ANKZF1: variants seen among roughly 807,000 people sequenced by gnomAD.
ANKZF1 encodes tRNA endonuclease ANKZF1.
ANKZF1 carries 84 observed loss-of-function variants against 86.0 expected under a neutral mutation model. The observed-to-expected ratio is 0.98, with a 90% confidence interval of 0.82 to 1.17. ANKZF1 has a LOEUF of 1.17. Ranked by LOEUF, ANKZF1 falls within the 50% of genes most tolerant of loss-of-function variation. The pLI, the probability that ANKZF1 is intolerant of heterozygous loss-of-function variation, is 0.00. For missense variants in ANKZF1, 893 were observed against 918.4 expected (o/e 0.97, Z 0.36); for synonymous variants, 331 against 354.2 (o/e 0.93, Z 0.74).
chr2:219,234,540 T>A lies in ANKZF1; in HGVS notation c.1204+252T>A, dbSNP rs189474878. ...GATGTGTTGCATGGATCTCACATAG[T>A]TTATCTTTGATTGGATGCTGTGGTT... On this transcript the variant is annotated intron_variant, in intron 9 of 13. Transcript: ENST00000323348. 1.3e-4 allele frequency: 83 copies of A among 644,576 alleles called. No homozygotes were observed. In the East Asian group the frequency reaches 1.8e-3, roughly 14 times the overall value. The allele number at this position is 644,576 out of a possible 1,614,324, so 39.9% of individuals were successfully genotyped here.
chr2:219,233,471 T>C (rs1186810799), intron 7 of ANKZF1, 38 bp downstream of exon 7: 3 of 1,544,224 alleles, frequency 1.9e-6, no homozygotes, highest in East Asian at 4.6e-5. Context: ...TACTGATCCA[T>C]ACTTTTTTTG....
intron 13 of ANKZF1, 64 bp downstream of exon 13, chr2:219,236,159 G>A (rs1324902158): frequency 3.7e-6 from 6 of 1,604,476 alleles, no homozygotes; most frequent in Non-Finnish European, 5.1e-6. Context: ...GGGGGCAAGA[G>A]AAATGAGTAC....
rs1951232840 is a variant in ANKZF1 at position 219,236,320 on chromosome 2, A to G, written c.2058-2A>G. 6.2e-7 allele frequency: 1 copy of G among 1,613,924 alleles called. No homozygotes were observed. The highest frequency in any genetic ancestry group is 1.1e-5 in the South Asian group (1 of 91,086). ...CCAGCCATTTTTCTTCCTCTTGTTC[A>G]GACGCTGCTGGAGTTGTGGGGCATC... is the stretch of plus-strand genomic sequence containing the variant. On this transcript the variant is annotated splice_acceptor_variant, in intron 13 of 13. Coordinates refer to ENST00000323348, the MANE Select transcript of ANKZF1 (RefSeq NM_018089.3). LOFTEE classifies it high-confidence loss of function.
chr2:219,230,446 T>TA (rs1950999920), intron 2 of ANKZF1, 41 bp downstream of exon 2: 2 of 1,572,474 alleles, frequency 1.3e-6, no homozygotes, highest in East Asian at 2.3e-5. Flanking sequence ...CAGGGCTCCT[T>TA]ACAGCGTATT....
In ANKZF1 at chr2:219,234,240, A is replaced by G. The variant is rs756514072; in HGVS notation, c.1156A>G (p.Arg386Gly). 21 of 1,613,936 alleles carry G rather than the reference A, an allele frequency of 1.3e-5. No individual in the cohort carries two copies. The highest frequency in any genetic ancestry group is 1.8e-5 in the Non-Finnish European group (21 of 1,180,032). The part of the protein sequence containing the change: ...PTEEEIRKIC[R>G]DEKEALGQNE... ...TGAGGAAGAAATAAGAAAGATCTGCAGGGATGAAAAGGAAGCGCTGGGGCA... is the reference window on the plus strand; with the variant it reads ...TGAGGAAGAAATAAGAAAGATCTGCGGGGATGAAAAGGAAGCGCTGGGGCA... Residue 386 changes from arginine to glycine, a missense_variant, in exon 9 of 14, where the codon AGG becomes GGG. Transcript: ENST00000323348.
chr2:219,233,990 T>C (rs746128808), intron 8 of ANKZF1, 47 bp downstream of exon 8: 1 of 1,533,988 alleles, frequency 6.5e-7, no homozygotes, highest in Non-Finnish European at 8.7e-7. Flanking sequence ...TCCTGTTCTC[T>C]CCAACCTAAG....
Position 219,233,868 on chromosome 2 carries a change from C to G in ANKZF1, c.973C>G (p.Pro325Ala). The change falls in exon 8 of 14, where the codon CCC becomes GCC. Residue 325 changes from proline (P) to alanine (A), a missense_variant. Physicochemically the swap from Pro to Ala is conservative, Grantham distance 27 (BLOSUM62 -1). Transcript: ENST00000323348. ...GGGGGATCCCCGACTTTGGGATATC[C>G]CCCTCGCCACCCGCAGACCCACCTT... Reference protein sequence around the residue: ...QRGDPRLWDIPLATRRPTFQE... With the variant: ...QRGDPRLWDIALATRRPTFQE... 6.2e-7 allele frequency: 1 copy of G among 1,611,906 alleles called. No individual in the cohort carries two copies. The highest frequency in any genetic ancestry group is 8.5e-7 in the Non-Finnish European group (1 of 1,179,096).
chr2:219,233,431 A>G lies in ANKZF1; in HGVS notation c.817A>G (p.Lys273Glu). 6.2e-7 allele frequency: 1 copy of G among 1,607,922 alleles called. No individual in the cohort carries two copies. Among genetic ancestry groups the G allele is most frequent in the East Asian group, 2.2e-5 (1 of 44,844 alleles). ...GCGCTACAATGAAGCCACACTATAT[A>G]AGGTGAGTTAAGCCTTTTAGATCTG... ...LRRYNEATLY[K>E]DVRDLLAGPS... The change falls in exon 7 of 14, where the codon AAG becomes GAG. Residue 273 changes from lysine (K) to glutamate (E), a missense_variant and splice_region_variant. By Grantham distance (56) the Lys-to-Glu change is moderately conservative. Coordinates refer to ENST00000323348, the MANE Select transcript of ANKZF1 (RefSeq NM_018089.3).
At position 219,232,382 on chromosome 2, in the gene ANKZF1, C is replaced by T; in HGVS notation, c.364+20C>T. Reference sequence around the variant, plus strand: ...CCACAGGTGATGAGTGGTAGGGGGACCTATGTAGGAGTAGGACATGGAGGT... The same window carrying T: ...CCACAGGTGATGAGTGGTAGGGGGATCTATGTAGGAGTAGGACATGGAGGT... On this transcript the variant is annotated intron_variant, in intron 4 of 13. Transcript: ENST00000323348. 2 of 1,613,132 alleles carry T rather than the reference C, an allele frequency of 1.2e-6. No individual in the cohort carries two copies. The highest frequency in any genetic ancestry group is 2.2e-5 in the East Asian group (1 of 44,876).
chr2:219,234,443 C>A, intron 9 of ANKZF1, 155 bp downstream of exon 9: 3 of 975,804 alleles, frequency 3.1e-6, no homozygotes, highest in South Asian at 1.4e-5. Context: ...GTGACCTTTC[C>A]AAATCTATTA....
Position 219,233,097 on chromosome 2 carries a change from G to A in ANKZF1, c.577G>A (p.Glu193Lys), listed in dbSNP as rs368331254. The A allele has an allele frequency of 1.7e-4, 282 of 1,613,904 alleles. No homozygotes were observed. Among genetic ancestry groups the A allele is most frequent in the Non-Finnish European group, 2.3e-4 (269 of 1,180,016 alleles). ...CATCAAGGATCCCCCAGAAGAGGCA[G>A]AACTGCTGCTACAGAACCTGCAAAG... is the stretch of plus-strand genomic sequence containing the variant. Reference protein sequence around the residue: ...GPHQDPPEEAELLLQNLQSRG... With the variant: ...GPHQDPPEEAKLLLQNLQSRG... The change falls in exon 6 of 14, where the codon GAA becomes AAA. Residue 193 changes from glutamate to lysine, a missense_variant. By Grantham distance (56) the Glu-to-Lys change is moderately conservative. Transcript: ENST00000323348.
At chr2:219,233,584 T>G in intron 7 of ANKZF1, 131 bp from the exon 8 acceptor site, 1 of 1,402,386 alleles carries the variant, frequency 7.1e-7, no homozygotes, top group Non-Finnish European at 9.7e-7. Flanking sequence ...CCCAGGAGCC[T>G]TAGTCCTCTA....
intron 2 of ANKZF1, 165 bp from the exon 3 acceptor site, chr2:219,231,763 C>A: frequency 1.7e-6 from 1 of 598,404 alleles, no homozygotes; most frequent in Non-Finnish European, 3.0e-6. Flanking sequence ...TAAGTGATTG[C>A]TGTACTGTTT....
Position 219,234,806 on chromosome 2 carries a change from C to T in ANKZF1, c.1205-20C>T. The T allele has an allele frequency of 1.9e-6, 3 of 1,594,384 alleles. No individual in the cohort carries two copies. The highest frequency in any genetic ancestry group is 2.6e-6 in the Non-Finnish European group (3 of 1,169,486). On this transcript the variant is annotated intron_variant, in intron 9 of 13. Transcript: ENST00000323348. ...CTGAGTACTCCCTAGATGGATTTCA[C>T]ATGTCAGGTTTTTCCCTAGGTTCAG...
Position 219,232,045 on chromosome 2 carries a change from T to TA in ANKZF1, c.261+6dup, listed in dbSNP as rs1444174853. The TA allele has an allele frequency of 1.3e-6, 2 of 1,599,744 alleles. No individual in the cohort carries two copies. Among genetic ancestry groups the TA allele is most frequent in the Non-Finnish European group, 1.7e-6 (2 of 1,173,616 alleles). ...TTCCAGAACCACCAAGAACAGGTAA[T>TA]AGGTCAGGTGCAGAGCTAGATGTTA... On this transcript the variant is annotated splice_donor_region_variant and intron_variant, in intron 3 of 13. Coordinates refer to ENST00000323348, the MANE Select transcript of ANKZF1 (RefSeq NM_018089.3).
chr2:219,231,890 G>A, intron 2 of ANKZF1, 38 bp from the exon 3 acceptor site: 3 of 1,539,802 alleles, frequency 1.9e-6, no homozygotes, highest in Non-Finnish European at 2.7e-6. Flanking sequence ...GTGGATTTGG[G>A]CTCCCTTTCT....
In ANKZF1 at chr2:219,233,123, T is replaced by C. The variant is rs756693805; in HGVS notation, c.603T>C (p.Ser201=). 5.6e-6 allele frequency: 9 copies of C among 1,614,040 alleles called. No individual in the cohort carries two copies. In the Admixed American group the frequency reaches 1.2e-4, roughly 21 times the overall value. ...AACTGCTGCTACAGAACCTGCAAAG[T>C]AGAGGTCCCAGAGACTGCGTGGTGC... is the stretch of plus-strand genomic sequence containing the variant. ...EAELLLQNLQ[S]RGPRDCVVLM... Residue 201 remains serine, a synonymous_variant, in exon 6 of 14, where the codon AGT becomes AGC. Transcript: ENST00000323348.
chr2:219,232,861 T>C (rs1951084055), intron 5 of ANKZF1, 178 bp downstream of exon 5: 3 of 855,968 alleles, frequency 3.5e-6, no homozygotes, highest in African/African-American at 1.7e-5. Flanking sequence ...TTAAGTGTAA[T>C]GGAATTAAGT....
At chr2:219,234,423 G>A (rs1458872265) in intron 9 of ANKZF1, 135 bp downstream of exon 9, 2 of 1,118,470 alleles carry the variant, frequency 1.8e-6, no homozygotes, top group African/African-American at 1.6e-5. Context: ...CAATTACTGA[G>A]ACATGTTTAG....
Sources: gnomAD v4.1 joint callset for allele counts on GRCh38, gnomAD v4.1.1 for gene constraint, MANE v1.5 for transcripts, NCBI Gene and HGNC (gene_info 2026-07-23, HGNC 2026-07-21) for gene names.